The following SLC24A2 variants were observed in gnomAD, a reference collection of about 807,000 sequenced individuals.
SLC24A2 encodes the protein solute carrier family 24 member 2.
SLC24A2 carries 36 observed loss-of-function variants against 62.0 expected under a neutral mutation model. That is an observed-to-expected ratio of 0.58 (90% CI 0.44 to 0.77). SLC24A2 has a LOEUF of 0.77. SLC24A2 is among the 30% of genes least tolerant of loss of function. The pLI, the probability that SLC24A2 is intolerant of heterozygous loss-of-function variation, is 0.00. For synonymous variants in SLC24A2, 358 were observed against 294.0 expected, an observed-to-expected ratio of 1.22 and a Z score of -2.23; for missense variants, 846 against 817.9, an observed-to-expected ratio of 1.03 and a Z score of -0.42.
intron 2 of SLC24A2, among the ~76,000 whole-genome samples, chr9:19,666,129 G>C (rs1272567607): frequency 6.6e-6 from 1 of 152,104 alleles, no homozygotes; most frequent in Non-Finnish European, 1.5e-5. Flanking sequence ...TTATTGGCCA[G>C]GCACAGTGGC....
chr9:19,588,943 AGAGT>A (rs1260732655), intron 5 of SLC24A2, among the ~76,000 whole-genome samples: 6 of 152,222 alleles, frequency 3.9e-5, no homozygotes, highest in Admixed American at 2.6e-4. Context: ...CCTGGGTGAC[AGAGT>A]GAGACTCTGT....
chr9:20,101,532 A>C, the SLC24A2 span, among the ~76,000 whole-genome samples: 3 of 152,302 alleles, frequency 2.0e-5, no homozygotes, highest in Admixed American at 6.5e-5. Flanking sequence ...GAATAGTATG[A>C]GAGAACTTTT....
At chr9:19,816,199 G>A in the SLC24A2 span, among the ~76,000 whole-genome samples, 3 of 151,848 alleles carry the variant, frequency 2.0e-5, no homozygotes, top group Admixed American at 2.0e-4. Flanking sequence ...CCTAGTTGGC[G>A]AGTGGCTTTC....
rs141223728 is a variant in SLC24A2, at chr9:19,608,867, G to A, written c.1078+10717C>T. On this transcript the variant is annotated intron_variant, in intron 4 of 10. Transcript: ENST00000341998. ...CCTCGACAGGAGAGACTGCTAGAGCGTTAGTTCAGTGGGCAAGGAGCTACA... is the reference window on the plus strand; with the variant it reads ...CCTCGACAGGAGAGACTGCTAGAGCATTAGTTCAGTGGGCAAGGAGCTACA... Among the ~76,000 whole-genome samples the A allele has an allele frequency of 2.8e-3, 425 of 152,196 alleles. 1 individual carries two copies. The highest frequency in any genetic ancestry group is 4.2e-3 in the Non-Finnish European group (283 of 68,008).
intron 2 of SLC24A2, among the ~76,000 whole-genome samples, chr9:19,718,008 G>A (rs1296925171): frequency 3.5e-5 from 5 of 141,062 alleles, no homozygotes; most frequent in Admixed American, 7.4e-5. Flanking sequence ...ACGGAGTCTC[G>A]CTCTGTCGCC....
the SLC24A2 span, among the ~76,000 whole-genome samples, chr9:20,118,131 T>C: frequency 6.6e-6 from 1 of 152,122 alleles, no homozygotes; most frequent in Non-Finnish European, 1.5e-5. Context: ...TTAATATGCA[T>C]ATTGTGGCTC....
At chr9:20,074,641 A>T in the SLC24A2 span, among the ~76,000 whole-genome samples, 4 of 92,192 alleles carry the variant, frequency 4.3e-5, no homozygotes, top group Non-Finnish European at 6.1e-5. Flanking sequence ...GAGGGACGGG[A>T]AGGGGGTGAG....
chr9:20,097,720 A>ATT, the SLC24A2 span, among the ~76,000 whole-genome samples: 154 of 69,098 alleles, frequency 2.2e-3, 16 homozygotes, highest in African/African-American at 7.2e-3. Flanking sequence ...ATCTTAAATA[A>ATT]TTTTTTTTTT....
the SLC24A2 span, among the ~76,000 whole-genome samples, chr9:20,130,658 G>C: frequency 1.3e-5 from 2 of 151,972 alleles, no homozygotes; most frequent in South Asian, 4.2e-4. Flanking sequence ...TATGAGGGAA[G>C]CCATTGCAGA....
intron 2 of SLC24A2, among the ~76,000 whole-genome samples, chr9:19,703,031 G>T (rs1421715724): frequency 1.3e-5 from 2 of 152,148 alleles, no homozygotes; most frequent in African/African-American, 4.8e-5. Context: ...CTATACTGTT[G>T]TTGGGTAAAA....
At chr9:20,052,814 G>C in the SLC24A2 span, among the ~76,000 whole-genome samples, 1 of 152,058 alleles carries the variant, frequency 6.6e-6, no homozygotes, top group African/African-American at 2.4e-5. Flanking sequence ...TGCACTGTTA[G>C]GCCTTTAGGA....
the SLC24A2 span, among the ~76,000 whole-genome samples, chr9:20,299,917 C>G: frequency 2.0e-5 from 3 of 152,214 alleles, no homozygotes; most frequent in Non-Finnish European, 4.4e-5. Flanking sequence ...CTTCTAGACT[C>G]TACACAGTAT....
At position 19,509,386 on chromosome 9, in the gene SLC24A2, A is replaced by C. The variant is rs1363009917; in HGVS notation, c.*6767T>G. The C allele has an allele frequency of 6.6e-6, 1 of 152,208 alleles. No individual in the cohort carries two copies. Among genetic ancestry groups the C allele is most frequent in the Non-Finnish European group, 1.5e-5 (1 of 68,016 alleles). The allele number at this position is 152,208 out of a possible 1,614,324, so 9.4% of individuals were successfully genotyped here. On this transcript the variant is annotated 3_prime_UTR_variant, in exon 11 of 11. Coordinates refer to ENST00000341998, the MANE Select transcript of SLC24A2 (RefSeq NM_020344.4). The stretch of plus-strand genomic sequence containing the variant: ...GAACAATAATTGTAGTTAATAAAAA[A>C]TAGAACAGATAAACTCCAATTTACA...
the SLC24A2 span, among the ~76,000 whole-genome samples, chr9:20,010,185 C>A: frequency 6.6e-6 from 1 of 152,154 alleles, no homozygotes; most frequent in African/African-American, 2.4e-5. Context: ...ACAGCAAAGT[C>A]TGCATGCTCA....
intron 2 of SLC24A2, among the ~76,000 whole-genome samples, chr9:19,642,076 T>C (rs1343319173): frequency 1.3e-5 from 2 of 150,932 alleles, no homozygotes; most frequent in South Asian, 4.2e-4. Flanking sequence ...TGAGTAGGAG[T>C]GTTAAATTCC....
intron 2 of SLC24A2, among the ~76,000 whole-genome samples, chr9:19,695,846 T>C (rs542488412): frequency 2.6e-5 from 4 of 152,108 alleles, no homozygotes. Flanking sequence ...AAATATAATA[T>C]TGACTTAAGG....
At chr9:19,577,579 A>T (rs1292753093) in intron 5 of SLC24A2, among the ~76,000 whole-genome samples, 2 of 152,202 alleles carry the variant, frequency 1.3e-5, no homozygotes, top group Non-Finnish European at 2.9e-5. Context: ...ACGAGTAAGG[A>T]ACATGCATCA....
intron 7 of SLC24A2, among the ~76,000 whole-genome samples, chr9:19,572,818 G>T (rs1835878585): frequency 6.6e-6 from 1 of 152,210 alleles, no homozygotes; most frequent in African/African-American, 2.4e-5. Context: ...TGAATAATGG[G>T]TTGGGCCAGA....
intron 8 of SLC24A2, among the ~76,000 whole-genome samples, chr9:19,534,227 G>T (rs1397425145): frequency 6.6e-6 from 1 of 152,162 alleles, no homozygotes; most frequent in Non-Finnish European, 1.5e-5. Flanking sequence ...AGGGGACTTG[G>T]GTTCAAATCC....
Sources: gnomAD v4.1 joint callset for allele counts (sites outside exome capture counted in the v4.1 genomes callset) on GRCh38, gnomAD v4.1.1 for gene constraint, MANE v1.5 for transcripts, NCBI Gene and HGNC (gene_info 2026-07-23, HGNC 2026-07-21) for gene names.